The following SNX7 variants were observed in gnomAD, a reference collection of about 807,000 sequenced individuals.
SNX7 encodes sorting nexin 7, also known as sorting nexin-7.
Under a neutral mutation model 48.4 loss-of-function variants are expected in SNX7, and 35 were observed. The observed-to-expected ratio is 0.72, with a 90% confidence interval of 0.55 to 0.96. The LOEUF (loss-of-function observed/expected upper bound fraction) is 0.96, where lower values mean the gene tolerates loss of function less well. Ranked by LOEUF, SNX7 falls within the 40% of genes least tolerant of loss-of-function variation. The pLI is 0.00. For missense variants in SNX7, 553 were observed against 548.9 expected (o/e 1.01, Z -0.07); for synonymous variants, 190 against 190.2 (o/e 1.00, Z 0.01).
At chr1:98,707,569 G>A (rs781387723) in intron 7 of SNX7, among the ~76,000 whole-genome samples, 5 of 152,106 alleles carry the variant, frequency 3.3e-5, no homozygotes, top group African/African-American at 1.2e-4. Context: ...AATAAATAAG[G>A]TTCATCTGTG....
intron 8 of SNX7, among the ~76,000 whole-genome samples, chr1:98,754,159 C>T (rs1375655669): frequency 4.0e-5 from 6 of 151,884 alleles, no homozygotes; most frequent in South Asian, 2.1e-4. Context: ...CATTTAATAT[C>T]ATCATTTGAT....
At chr1:98,733,825 C>T (rs1017607625) in intron 7 of SNX7, among the ~76,000 whole-genome samples, 1 of 151,908 alleles carries the variant, frequency 6.6e-6, no homozygotes, top group African/African-American at 2.4e-5. Context: ...TTCCTTAGTC[C>T]CATTTCAGAT....
chr1:98,680,306 G>A (rs1008218329), intron 1 of SNX7, among the ~76,000 whole-genome samples: 32 of 152,098 alleles, frequency 2.1e-4, no homozygotes, highest in African/African-American at 7.7e-4. Context: ...ACAGTATGGG[G>A]ACCCTGAGCC....
intron 7 of SNX7, 93 bp from the exon 8 acceptor site, chr1:98,738,144 C>G: frequency 7.8e-7 from 1 of 1,280,148 alleles, no homozygotes; most frequent in South Asian, 1.5e-5. Flanking sequence ...TATATTTAGG[C>G]TGTTTTGGTA....
rs111563938 is a variant in SNX7, at chr1:98,735,170, T to C, written c.1126-3067T>C. On this transcript the variant is annotated intron_variant, in intron 7 of 8. Transcript: ENST00000306121. ...GACAGCACAGTCAGAATGCATAGTCTTTGTACCAAAGAACGTAGTAAAATT... is the reference window on the plus strand; with the variant it reads ...GACAGCACAGTCAGAATGCATAGTCCTTGTACCAAAGAACGTAGTAAAATT... 6.9e-3 allele frequency among the ~76,000 whole-genome samples: 1,046 copies of C among 152,244 alleles called. 11 individuals are homozygous for C. The highest frequency in any genetic ancestry group is 0.02 in the Middle Eastern group (6 of 294).
At chr1:98,752,533 T>C (rs918523899) in intron 8 of SNX7, among the ~76,000 whole-genome samples, 8 of 152,002 alleles carry the variant, frequency 5.3e-5, no homozygotes, top group Admixed American at 5.3e-4. Context: ...GCAACATGAA[T>C]GGGGATCGGG....
At chr1:98,752,272 C>A (rs1289862379) in intron 8 of SNX7, among the ~76,000 whole-genome samples, 1 of 151,856 alleles carries the variant, frequency 6.6e-6, no homozygotes, top group South Asian at 2.1e-4. Flanking sequence ...TACTCAAGAG[C>A]AAAGAAATTT....
rs1416941858 is a variant in SNX7, at chr1:98,758,947, ACACAT to A, written c.1279-1106_1279-1102del. On this transcript the variant is annotated intron_variant, in intron 8 of 8. Transcript: ENST00000306121. Reference sequence around the variant, plus strand: ...TGTTTGTGCATACACACACACACACACACATAAGTATATACATACATACTTTTTGA... The same window carrying A: ...TGTTTGTGCATACACACACACACACAAAGTATATACATACATACTTTTTGA... 2.0e-5 allele frequency among the ~76,000 whole-genome samples: 3 copies of A among 152,184 alleles called. No individual in the cohort carries two copies. The East Asian group carries it at 5.8e-4, about 30-fold the overall frequency.
intron 8 of SNX7, among the ~76,000 whole-genome samples, chr1:98,749,030 T>C (rs534518003): frequency 3.9e-5 from 6 of 152,184 alleles, no homozygotes; most frequent in Non-Finnish European, 8.8e-5. Context: ...ACAGATAAGC[T>C]TGATGTCTGA....
chr1:98,700,472 A>T (rs1557806905), intron 6 of SNX7, among the ~76,000 whole-genome samples: 1 of 152,156 alleles, frequency 6.6e-6, no homozygotes, highest in African/African-American at 2.4e-5. Flanking sequence ...TGAGGTAAAT[A>T]TAAAGGAATT....
chr1:98,700,974 C>T (rs1651719315), intron 6 of SNX7, among the ~76,000 whole-genome samples: 1 of 152,026 alleles, frequency 6.6e-6, no homozygotes. Context: ...CTGTTCAGGC[C>T]ATTTGTGCTT....
At position 98,760,205 on chromosome 1, in the gene SNX7, G is replaced by A. The variant is rs960083277; in HGVS notation, c.*74G>A. ...CAAAGTTATTCTTTCTGGATCTGCC[G>A]TGTCCTTATAAAGTGGATGAAAAAT... On this transcript the variant is annotated 3_prime_UTR_variant, in exon 9 of 9. Coordinates refer to ENST00000306121, the MANE Select transcript of SNX7 (RefSeq NM_015976.5). 15 of 1,196,940 alleles carry A rather than the reference G, an allele frequency of 1.3e-5. No homozygotes were observed. The highest frequency in any genetic ancestry group is 3.8e-4 in the Middle Eastern group (2 of 5,212). 74.1% of individuals were successfully genotyped at this position (1,196,940 alleles called of 1,614,324 possible).
At chr1:98,754,928 G>A (rs554570559) in intron 8 of SNX7, among the ~76,000 whole-genome samples, 1 of 151,376 alleles carries the variant, frequency 6.6e-6, no homozygotes, top group East Asian at 1.9e-4. Flanking sequence ...CTTTTCATGT[G>A]TAGGCATTTA....
At chr1:98,748,550 A>G (rs890890729) in intron 8 of SNX7, among the ~76,000 whole-genome samples, 3 of 151,850 alleles carry the variant, frequency 2.0e-5, no homozygotes, top group Admixed American at 1.3e-4. Flanking sequence ...AATCAAGGAC[A>G]TTCTGCTTAT....
intron 7 of SNX7, among the ~76,000 whole-genome samples, chr1:98,723,815 C>T (rs571765400): frequency 1.3e-5 from 2 of 151,748 alleles, no homozygotes; most frequent in East Asian, 1.9e-4. Context: ...GAACTGAGAT[C>T]GCATGACTGC....
At position 98,661,916 on chromosome 1, in the gene SNX7, G is replaced by GGGC. The variant is rs1244497122; in HGVS notation, c.180+16_180+18dup. The GGGC allele has an allele frequency of 1.8e-5, 22 of 1,246,870 alleles. No homozygotes were observed. The highest frequency in any genetic ancestry group is 2.7e-4 in the Middle Eastern group (1 of 3,742). The allele number at this position is 1,246,870 out of a possible 1,614,324, so 77.2% of individuals were successfully genotyped here. Reference sequence around the variant, plus strand: ...GACCTGGAGGTGTTCAGCAAGGTGAGGGCGGCGGCGGCGAGTCCCGGGAAA... The same window carrying GGGC: ...GACCTGGAGGTGTTCAGCAAGGTGAGGGCGGCGGCGGCGGCGAGTCCCGGGAAA... On this transcript the variant is annotated splice_donor_region_variant and intron_variant, in intron 1 of 8. Coordinates refer to ENST00000306121, the MANE Select transcript of SNX7 (RefSeq NM_015976.5).
At chr1:98,744,341 A>G (rs1043488277) in intron 8 of SNX7, among the ~76,000 whole-genome samples, 1 of 152,036 alleles carries the variant, frequency 6.6e-6, no homozygotes, top group African/African-American at 2.4e-5. Flanking sequence ...ATCTGACACA[A>G]TTGTACCTGT....
chr1:98,723,237 A>G (rs1005985341), intron 7 of SNX7, among the ~76,000 whole-genome samples: 17 of 152,208 alleles, frequency 1.1e-4, no homozygotes, highest in Admixed American at 9.2e-4. Flanking sequence ...TCTGGGAACT[A>G]TTATTTAAGC....
chr1:98,694,364 C>T (rs551500629), intron 4 of SNX7, among the ~76,000 whole-genome samples: 14 of 138,058 alleles, frequency 1.0e-4, no homozygotes, highest in African/African-American at 3.3e-4. Flanking sequence ...AGCGAGACTC[C>T]GTCTCAAAAA....
Sources: allele counts gnomAD v4.1 joint callset (sites outside exome capture counted in the v4.1 genomes callset), GRCh38; gene constraint gnomAD v4.1.1; transcripts MANE v1.5; gene names NCBI Gene and HGNC (gene_info 2026-07-23, HGNC 2026-07-21).